Variants in FNIP1 observed in about 807,000 individuals in gnomAD.
FNIP1 encodes the protein folliculin interacting protein 1.
In FNIP1, 40 loss-of-function variants were observed where a neutral mutation model predicts 124.5. That is an observed-to-expected ratio of 0.32 (90% CI 0.25 to 0.42). The LOEUF is 0.42. FNIP1 is among the 10% of genes least tolerant of loss of function. The probability of loss-of-function intolerance (pLI) is 1.00; values close to 1 mark genes in which losing one functional copy is unlikely to be tolerated. For missense variants in FNIP1, 1,176 were observed against 1,403.7 expected (o/e 0.84, Z 2.59); for synonymous variants, 472 against 470.6 (o/e 1.00, Z -0.04).
intron 11 of FNIP1, among the ~76,000 whole-genome samples, chr5:131,697,037 T>G (rs1433701245): frequency 6.6e-6 from 1 of 152,092 alleles, no homozygotes; most frequent in Non-Finnish European, 1.5e-5. Flanking sequence ...TTTTAAAATT[T>G]TATATATATG....
chr5:131,648,173 T>TAAA (rs577945348), intron 16 of FNIP1, among the ~76,000 whole-genome samples: 103 of 113,310 alleles, frequency 9.1e-4, no homozygotes, highest in African/African-American at 2.8e-3. Flanking sequence ...CTACAAAAAT[T>TAAA]AAAAAAAAAA....
In FNIP1 at chr5:131,672,162, G is replaced by A. The variant is rs748559768; in HGVS notation, c.2282C>T (p.Pro761Leu). 5.4e-5 allele frequency: 87 copies of A among 1,614,050 alleles called. No individual in the cohort carries two copies. Among genetic ancestry groups the A allele is most frequent in the Non-Finnish European group, 7.2e-5 (85 of 1,180,040 alleles). The change falls in exon 14 of 18, where the codon CCT (proline) becomes CTT (leucine). Residue 761 changes from proline (P) to leucine (L), a missense_variant. Around this residue, in one of 2 missense-constraint regions of FNIP1, gnomAD observed 1,109 missense variants for 1,288.5 expected, o/e 0.86. Coordinates refer to ENST00000510461, the MANE Select transcript of FNIP1 (RefSeq NM_133372.3). ...VTFLIGDSMS[P>L]DSDTELRSQA... The stretch of plus-strand genomic sequence containing the variant: ...ACTTCGAAGCTCAGTATCTGAATCA[G>A]GTGACATAGAATCCCCAATCAGGAA...
chr5:131,749,034 G>T (rs1024023493), intron 1 of FNIP1, among the ~76,000 whole-genome samples: 2 of 152,000 alleles, frequency 1.3e-5, no homozygotes, highest in African/African-American at 4.8e-5. Flanking sequence ...ACTGAAAAAA[G>T]CTTAGAATAA....
rs182164927 is a variant in FNIP1 at position 131,779,504 on chromosome 5, C to A, written c.92+17326G>T. 5.0e-3 allele frequency among the ~76,000 whole-genome samples: 756 copies of A among 150,678 alleles called. 9 individuals carry two copies. The highest frequency in any genetic ancestry group is 0.017 in the African/African-American group (718 of 41,044). On this transcript the variant is annotated intron_variant, in intron 1 of 17. Transcript: ENST00000510461. Reference sequence around the variant, plus strand: ...ACCATCCTGGCCAACATGGTGAAACCCCACTTCTAGTTAAAAAAAAAAAAA... The same window carrying A: ...ACCATCCTGGCCAACATGGTGAAACACCACTTCTAGTTAAAAAAAAAAAAA...
intron 11 of FNIP1, among the ~76,000 whole-genome samples, chr5:131,688,754 C>T (rs1768372932): frequency 6.9e-6 from 1 of 144,986 alleles, no homozygotes; most frequent in African/African-American, 2.5e-5. Context: ...ATGGGCACAT[C>T]AGCAGACTGG....
At chr5:131,788,243 A>G (rs2149588844) in intron 1 of FNIP1, among the ~76,000 whole-genome samples, 1 of 152,360 alleles carries the variant, frequency 6.6e-6, no homozygotes, top group East Asian at 1.9e-4. Flanking sequence ...TCCCAGAAAC[A>G]GAAACAAAAT....
At chr5:131,711,127 C>T (rs1769277887) in intron 6 of FNIP1, among the ~76,000 whole-genome samples, 1 of 152,188 alleles carries the variant, frequency 6.6e-6, no homozygotes, top group South Asian at 2.1e-4. Context: ...CAGCATACAA[C>T]AGGGTGCAAA....
chr5:131,677,618 A>T, intron 13 of FNIP1, 85 bp downstream of exon 13: 1 of 1,287,280 alleles, frequency 7.8e-7, no homozygotes, highest in Non-Finnish European at 1.1e-6. Flanking sequence ...AAAGCATTTT[A>T]TTTATTTTTG....
At chr5:131,648,203 C>T (rs991821144) in intron 16 of FNIP1, among the ~76,000 whole-genome samples, 12 of 148,250 alleles carry the variant, frequency 8.1e-5, no homozygotes, top group Non-Finnish European at 1.8e-4. Flanking sequence ...AAGAATTAGC[C>T]GAGCATGGTG....
chr5:131,759,499 T>C (rs1375566166), intron 1 of FNIP1, among the ~76,000 whole-genome samples: 2 of 152,056 alleles, frequency 1.3e-5, no homozygotes, highest in Non-Finnish European at 2.9e-5. Flanking sequence ...GAAAAAATGC[T>C]CATCATCACT....
chr5:131,682,728 A>AG (rs879534446), intron 11 of FNIP1, among the ~76,000 whole-genome samples: 2 of 152,230 alleles, frequency 1.3e-5, no homozygotes, highest in Non-Finnish European at 2.9e-5. Context: ...AAAAAAAAAA[A>AG]ATCTAGAAGT....
intron 16 of FNIP1, among the ~76,000 whole-genome samples, chr5:131,650,966 A>G (rs966626490): frequency 6.6e-6 from 1 of 152,204 alleles, no homozygotes; most frequent in Non-Finnish European, 1.5e-5. Flanking sequence ...GAGATGTTGC[A>G]TGACTATACT....
rs546429023 is a variant in FNIP1 at position 131,667,351 on chromosome 5, A to C, written c.3108+3112T>G. Among the ~76,000 whole-genome samples, 30 of 152,374 alleles carry C rather than the reference A, an allele frequency of 2.0e-4. No homozygotes were observed. In the South Asian group the frequency reaches 6.2e-3, roughly 32 times the overall value. ...TCAAAAGCTGGGCAAACTAGCCTTT[A>C]AATATGAAGATCACAAGTTCTGATA... On this transcript the variant is annotated intron_variant, in intron 15 of 17. Transcript: ENST00000510461.
At chr5:131,791,795 G>A (rs1772413307) in intron 1 of FNIP1, among the ~76,000 whole-genome samples, 2 of 151,978 alleles carry the variant, frequency 1.3e-5, no homozygotes, top group South Asian at 4.1e-4. Context: ...TATGGACTAA[G>A]AATGGCTTTT....
intron 1 of FNIP1, among the ~76,000 whole-genome samples, chr5:131,794,493 A>G (rs1276684913): frequency 1.3e-5 from 2 of 152,180 alleles, no homozygotes; most frequent in Non-Finnish European, 2.9e-5. Context: ...AAGAAAATAT[A>G]TGTCCACATA....
In FNIP1 at chr5:131,698,932, G is replaced by C. The variant is rs1768795891; in HGVS notation, c.1187C>G (p.Ala396Gly). The stretch of plus-strand genomic sequence containing the variant: ...CAATATGTACCTGAATTCATTTAGG[G>C]CATCAACTATTCGATTATATGCCAA... ...RSLAYNRIVD[A>G]LNEFRTTICN... The change falls in exon 11 of 18, where the codon GCC becomes GGC. Residue 396 changes from alanine (A) to glycine (G), a missense_variant. Transcript: ENST00000510461. 9.9e-6 allele frequency: 16 copies of C among 1,610,304 alleles called. No homozygotes were observed. Among genetic ancestry groups the C allele is most frequent in the African/African-American group, 1.3e-5 (1 of 74,706 alleles).
intron 11 of FNIP1, among the ~76,000 whole-genome samples, chr5:131,680,549 C>T (rs1476694329): frequency 1.3e-5 from 2 of 152,050 alleles, no homozygotes; most frequent in Non-Finnish European, 1.5e-5. Flanking sequence ...AATGTTTATC[C>T]TCTCTTCAGT....
rs1257464375 is a variant in FNIP1 at position 131,775,526 on chromosome 5, T to C, written c.92+21304A>G. Among the ~76,000 whole-genome samples the C allele has an allele frequency of 2.0e-5, 3 of 147,336 alleles. No homozygotes were observed. In the South Asian group the frequency reaches 6.3e-4, roughly 31 times the overall value. Reference sequence around the variant, plus strand: ...TAAATATATATATACATATTATATATACTTTTTTTTTTTTTTTTTGAGAAG... The same window carrying C: ...TAAATATATATATACATATTATATACACTTTTTTTTTTTTTTTTTGAGAAG... On this transcript the variant is annotated intron_variant, in intron 1 of 17. Transcript: ENST00000510461.
chr5:131,677,616 T>C (rs1352052646), intron 13 of FNIP1, 87 bp downstream of exon 13: 6 of 1,268,280 alleles, frequency 4.7e-6, no homozygotes, highest in Admixed American at 2.2e-5. Flanking sequence ...TAAAAGCATT[T>C]TATTTATTTT....
Sources: allele counts gnomAD v4.1 joint callset (sites outside exome capture counted in the v4.1 genomes callset), GRCh38; gene constraint gnomAD v4.1.1; regional missense constraint gnomAD v4.1.1; transcripts MANE v1.5; gene names NCBI Gene and HGNC (gene_info 2026-07-23, HGNC 2026-07-21).